FOXN4: variants seen among roughly 807,000 people sequenced by gnomAD.
FOXN4 encodes forkhead box N4.
Under a neutral mutation model 45.0 loss-of-function variants are expected in FOXN4, and 12 were observed. The ratio of observed to expected loss-of-function variants is 0.27; its 90% confidence interval spans 0.17 to 0.43. FOXN4 has a LOEUF of 0.43. Ranked by LOEUF, FOXN4 falls within the 20% of genes least tolerant of loss-of-function variation. FOXN4 has a pLI of 1.00. For missense variants in FOXN4, 560 were observed against 694.9 expected, an observed-to-expected ratio of 0.81 and a Z score of 2.18; for synonymous variants, 297 against 295.0, an observed-to-expected ratio of 1.01 and a Z score of -0.07.
rs368378256 is a variant in FOXN4 at position 109,295,617 on chromosome 12, C to T, written c.87-5331G>A. ...CCTGGCCAACATGGCGAAACCCTGT[C>T]TCTACTAAAAATACAAAAAGTAGCT... is the stretch of plus-strand genomic sequence containing the variant. On this transcript the variant is annotated intron_variant, in intron 2 of 9. Coordinates refer to ENST00000299162, the MANE Select transcript of FOXN4 (RefSeq NM_213596.3). Among the ~76,000 whole-genome samples, 106 of 152,348 alleles carry T rather than the reference C, an allele frequency of 7.0e-4. 2 individuals carry two copies. The highest frequency in any genetic ancestry group is 2.5e-3 in the African/African-American group (103 of 41,592).
chr12:109,304,438 T>C (rs2047903057), intron 2 of FOXN4, among the ~76,000 whole-genome samples: 1 of 152,138 alleles, frequency 6.6e-6, no homozygotes. Context: ...GGGTGGACTT[T>C]CCTCCCACCC....
rs760155138 is a variant in FOXN4 at position 109,281,853 on chromosome 12, C to T, written c.902-54G>A. 1.1e-5 allele frequency: 16 copies of T among 1,499,996 alleles called. No individual in the cohort carries two copies. The Admixed American group carries it at 2.2e-4, about 20-fold the overall frequency. The allele number at this position is 1,499,996 out of a possible 1,614,324, so 92.9% of individuals were successfully genotyped here. On this transcript the variant is annotated intron_variant, in intron 8 of 9. Transcript: ENST00000299162. ...AACCCACCCAGCAGTTACCGGGCCC[C>T]AGCCCAGGCCTGGGTTCAAATTCCA...
At position 109,279,894 on chromosome 12, in the gene FOXN4, C is replaced by A; in HGVS notation, c.1331G>T (p.Ser444Ile). ...TGCAAAGGCGCCCAGTGTGTCCAAG[C>A]TGAATCCCTCATCCTTCATCTCCTC... ...LWEEMKDEGF[S>I]LDTLGAFADS... The change falls in exon 10 of 10, where the codon AGC (serine) becomes ATC (isoleucine). Residue 444 changes from serine (S) to isoleucine (I), a missense_variant. Coordinates refer to ENST00000299162, the MANE Select transcript of FOXN4 (RefSeq NM_213596.3). The A allele has an allele frequency of 6.2e-7, 1 of 1,613,974 alleles. No homozygotes were observed. Among genetic ancestry groups the A allele is most frequent in the South Asian group, 1.1e-5 (1 of 91,076 alleles).
At chr12:109,307,428 G>A (rs1364251949) in intron 2 of FOXN4, among the ~76,000 whole-genome samples, 3 of 152,204 alleles carry the variant, frequency 2.0e-5, no homozygotes, top group African/African-American at 7.2e-5. Flanking sequence ...AAGAGGCCGG[G>A]AGGGGACTCC....
At position 109,291,052 on chromosome 12, in the gene FOXN4, C is replaced by A. The variant is rs749649747; in HGVS notation, c.87-766G>T. ...TGGTGGGGCTGAGACCCAGTCAGTG[C>A]CTCCTGAAGCCTGAGCCCTTCAACT... is the stretch of plus-strand genomic sequence containing the variant. On this transcript the variant is annotated intron_variant, in intron 2 of 9. Transcript: ENST00000299162. The surrounding 1 kb of genome is among the most constrained non-coding windows in gnomAD (Gnocchi z 6.6). Among the ~76,000 whole-genome samples, 27 of 152,144 alleles carry A rather than the reference C, an allele frequency of 1.8e-4. No individual in the cohort carries two copies. The highest frequency in any genetic ancestry group is 4.8e-4 in the African/African-American group (20 of 41,436).
chr12:109,291,220 T>A lies in FOXN4; in HGVS notation c.87-934A>T, dbSNP rs1279463431. Among the ~76,000 whole-genome samples the A allele has an allele frequency of 6.6e-6, 1 of 151,986 alleles. No homozygotes were observed. Among genetic ancestry groups the A allele is most frequent in the Non-Finnish European group, 1.5e-5 (1 of 67,980 alleles). ...ACAGGTCGGTGATTTGGGATAGCCA[T>A]GTCACTCCCCAGTGCCCTCAAGTCA... On this transcript the variant is annotated intron_variant, in intron 2 of 9. Transcript: ENST00000299162. This position sits in a 1 kb window ranked among gnomAD's most constrained non-coding sequence, Gnocchi z 6.6.
At chr12:109,308,184 AACAC>A in intron 2 of FOXN4, 48 bp downstream of exon 2, 2 of 1,414,856 alleles carry the variant, frequency 1.4e-6, no homozygotes, top group Non-Finnish European at 1.9e-6. Context: ...ACAGCATACA[AACAC>A]TTTGAGCAAT....
At chr12:109,296,351 G>A (rs972835183) in intron 2 of FOXN4, among the ~76,000 whole-genome samples, 1 of 152,186 alleles carries the variant, frequency 6.6e-6, no homozygotes, top group Non-Finnish European at 1.5e-5. Context: ...TAAAGGTCCC[G>A]GCTGGGGCCA....
intron 2 of FOXN4, among the ~76,000 whole-genome samples, chr12:109,297,560 A>G (rs1179815556): frequency 6.6e-6 from 1 of 151,688 alleles, no homozygotes; most frequent in Non-Finnish European, 1.5e-5. Context: ...CTGGCCTTGA[A>G]CTCCTGACCT....
chr12:109,281,436 T>C lies in FOXN4; in HGVS notation c.1265A>G (p.Asp422Gly). ...CAGAGCGAAGTCCATGATGCTCGGG[T>C]CGAGGGCATCCACCTCAGTGTTCAT... Reference protein sequence around the residue: ...TDMNTEVDALDPSIMDFALQG... With the variant: ...TDMNTEVDALGPSIMDFALQG... Residue 422 changes from aspartate to glycine, a missense_variant, in exon 9 of 10, where the codon GAC becomes GGC. Asp to Gly is a moderately conservative substitution (Grantham distance 94). Around this residue, in one of 5 missense-constraint regions of FOXN4, gnomAD observed 315 missense variants for 350.5 expected, o/e 0.90. Transcript: ENST00000299162. The C allele has an allele frequency of 6.2e-7, 1 of 1,613,906 alleles. No homozygotes were observed. The highest frequency in any genetic ancestry group is 1.3e-5 in the African/African-American group (1 of 74,996).
rs2047629886 is a variant in FOXN4, at chr12:109,279,208, GAGGTTTGATCCACTC to G, written c.*448_*462del. The G allele has an allele frequency of 1.0e-5, 2 of 194,374 alleles. No individual in the cohort carries two copies. The highest frequency in any genetic ancestry group is 2.1e-5 in the Non-Finnish European group (2 of 93,460). The allele number at this position is 194,374 out of a possible 1,614,324, so 12.0% of individuals were successfully genotyped here. On this transcript the variant is annotated 3_prime_UTR_variant, in exon 10 of 10. Coordinates refer to ENST00000299162, the MANE Select transcript of FOXN4 (RefSeq NM_213596.3). Reference sequence around the variant, plus strand: ...GGCCTGTCCCCCGGAGGCTGCGGCTGAGGTTTGATCCACTCAGCCATTTCCCATGAGGATGAATTC... The same window carrying G: ...GGCCTGTCCCCCGGAGGCTGCGGCTGAGCCATTTCCCATGAGGATGAATTC...
Position 109,279,360 on chromosome 12 carries a change from C to A in FOXN4, c.*311G>T, listed in dbSNP as rs946285178. ...CAGGATGGAGAAGTCTCACTCAACA[C>A]GGGCAGGCATTGCGGCTCAGGCCTC... On this transcript the variant is annotated 3_prime_UTR_variant, in exon 10 of 10. Transcript: ENST00000299162. 1.4e-5 allele frequency: 6 copies of A among 428,452 alleles called. No individual in the cohort carries two copies. Among genetic ancestry groups the A allele is most frequent in the Non-Finnish European group, 2.2e-5 (5 of 231,318 alleles). 26.5% of individuals were successfully genotyped at this position (428,452 alleles called of 1,614,324 possible).
rs914443127 is a variant in FOXN4 at position 109,291,917 on chromosome 12, C to G, written c.87-1631G>C. Among the ~76,000 whole-genome samples the G allele has an allele frequency of 6.6e-6, 1 of 152,136 alleles. No individual in the cohort carries two copies. Among genetic ancestry groups the G allele is most frequent in the African/African-American group, 2.4e-5 (1 of 41,432 alleles). ...GGTCTCAGTGCAATTGTTTCTGCAG[C>G]CCCCCGGCTGCCACCCCTCCGGCCG... On this transcript the variant is annotated intron_variant, in intron 2 of 9. Coordinates refer to ENST00000299162, the MANE Select transcript of FOXN4 (RefSeq NM_213596.3). This position sits in a 1 kb window ranked among gnomAD's most constrained non-coding sequence, Gnocchi z 6.6.
chr12:109,287,457 G>T lies in FOXN4; in HGVS notation c.536C>A (p.Ala179Asp). The change falls in exon 6 of 10, where the codon GCT (alanine) becomes GAT (aspartate). Residue 179 changes from alanine (A) to aspartate (D), a missense_variant. By Grantham distance (126) the Ala-to-Asp change is moderately radical (BLOSUM62 -2). Around this residue, in one of 5 missense-constraint regions of FOXN4, gnomAD observed 61 missense variants for 59.8 expected, o/e 1.02. Transcript: ENST00000299162. The surrounding 1 kb of genome is among the most constrained non-coding windows in gnomAD (Gnocchi z 4.1). ...GTGCAGTTCTTGAGATGAATGCACA[G>T]CCACGTGGGGCTGGGGGTAGGGGGG... ...VRPPYPQPHV[A>D]VHSSQELHPK... 1 of 1,551,348 alleles carries T rather than the reference G, an allele frequency of 6.4e-7. No individual in the cohort carries two copies. Among genetic ancestry groups the T allele is most frequent in the African/African-American group, 1.4e-5 (1 of 73,178 alleles).
Position 109,287,610 on chromosome 12 carries a change from C to A in FOXN4, c.469-86G>T. 2 of 1,431,234 alleles carry A rather than the reference C, an allele frequency of 1.4e-6. No homozygotes were observed. The highest frequency in any genetic ancestry group is 1.9e-6 in the Non-Finnish European group (2 of 1,080,190). 88.7% of individuals were successfully genotyped at this position (1,431,234 alleles called of 1,614,324 possible). A position where few individuals can be genotyped will look rare whatever the true frequency, so the allele number is the denominator to read the frequency against. The stretch of plus-strand genomic sequence containing the variant: ...TACGTCACTCACAGTAACACTGTCC[C>A]CACCCCAGTTTCAAAACACCTTGTG... On this transcript the variant is annotated intron_variant, in intron 5 of 9. Transcript: ENST00000299162. The surrounding 1 kb of genome is among the most constrained non-coding windows in gnomAD (Gnocchi z 4.1).
At chr12:109,296,576 G>A (rs562482534) in intron 2 of FOXN4, among the ~76,000 whole-genome samples, 3 of 152,276 alleles carry the variant, frequency 2.0e-5, no homozygotes, top group Non-Finnish European at 4.4e-5. Flanking sequence ...ACACCTTCAG[G>A]TCTTCAGGGT....
Position 109,290,061 on chromosome 12 carries a change from A to G in FOXN4, c.232+80T>C, listed in dbSNP as rs998387794. On this transcript the variant is annotated intron_variant, in intron 3 of 9. Transcript: ENST00000299162. This position sits in a 1 kb window ranked among gnomAD's most constrained non-coding sequence, Gnocchi z 5.1. ...GACTGGGAGACCGGGTCATGGCTGCACAGTGGGTGGGTGGCAGGGCTGGGA... is the reference window on the plus strand; with the variant it reads ...GACTGGGAGACCGGGTCATGGCTGCGCAGTGGGTGGGTGGCAGGGCTGGGA... The G allele has an allele frequency of 5.0e-5, 73 of 1,447,626 alleles. No homozygotes were observed. The highest frequency in any genetic ancestry group is 6.5e-5 in the Non-Finnish European group (71 of 1,089,774). The allele number at this position is 1,447,626 out of a possible 1,614,324, so 89.7% of individuals were successfully genotyped here. A position where few individuals can be genotyped will look rare whatever the true frequency, so the allele number is the denominator to read the frequency against.
intron 2 of FOXN4, among the ~76,000 whole-genome samples, chr12:109,299,729 G>A (rs2047852607): frequency 6.6e-6 from 1 of 152,214 alleles, no homozygotes; most frequent in Admixed American, 6.5e-5. Flanking sequence ...GTGGCACCCT[G>A]GGAACATCAG....
intron 7 of FOXN4, 44 bp from the exon 8 acceptor site, chr12:109,285,555 T>TCCCCCTA: frequency 6.2e-7 from 1 of 1,605,798 alleles, no homozygotes; most frequent in African/African-American, 1.3e-5. Flanking sequence ...TGTAAGCCCT[T>TCCCCCTA]CCCCCTACCC....
Sources: gnomAD v4.1 joint callset for allele counts (sites outside exome capture counted in the v4.1 genomes callset) on GRCh38, gnomAD v4.1.1 for gene constraint, gnomAD v4.1.1 regional missense constraint, Gnocchi (gnomAD v3.1) non-coding constraint, MANE v1.5 for transcripts, NCBI Gene and HGNC (gene_info 2026-07-23, HGNC 2026-07-21) for gene names.